ZG16: variants seen among roughly 807,000 people sequenced by gnomAD.
ZG16 encodes zymogen granule protein 16, also known as zymogen granule membrane protein 16.
In ZG16, 9 loss-of-function variants were observed where a neutral mutation model predicts 15.6. The ratio of observed to expected loss-of-function variants is 0.58; its 90% confidence interval spans 0.35 to 1.00. The LOEUF is 1.00. ZG16 is among the 50% of genes least tolerant of loss of function. ZG16 has a pLI of 0.02. For synonymous variants in ZG16, 89 were observed against 87.4 expected (o/e 1.02, Z -0.10); for missense variants, 174 against 214.8 (o/e 0.81, Z 1.19).
intron 1 of ZG16, among the ~76,000 whole-genome samples, chr16:29,778,562 T>C (rs1898583095): frequency 6.6e-6 from 1 of 151,940 alleles, no homozygotes; most frequent in African/African-American, 2.4e-5. Flanking sequence ...GCACCTGGGG[T>C]CTAATATCTT....
chr16:29,782,801 T>A lies in ZG16; in HGVS notation c.*2382T>A, dbSNP rs1898637692. On this transcript the variant is annotated 3_prime_UTR_variant, in exon 4 of 4. Transcript: ENST00000400752. ...AGGGACCCCGAACGGAGGGACTGGC[T>A]GGAGCCACAGCTGAGGAACATAAAT... 6.5e-6 allele frequency: 1 copy of A among 152,890 alleles called. No individual in the cohort carries two copies. Among genetic ancestry groups the A allele is most frequent in the African/African-American group, 2.4e-5 (1 of 41,446 alleles). 9.5% of individuals were successfully genotyped at this position (152,890 alleles called of 1,614,324 possible). A position where few individuals can be genotyped will look rare whatever the true frequency, so the allele number is the denominator to read the frequency against.
intron 1 of ZG16, 85 bp from the exon 2 acceptor site, chr16:29,779,175 T>G: frequency 4.3e-5 from 58 of 1,352,650 alleles, no homozygotes; most frequent in Non-Finnish European, 5.1e-5. Flanking sequence ...AGGCTTGGTC[T>G]GAGCTGCAGG....
At position 29,780,679 on chromosome 16, in the gene ZG16, G is replaced by C; in HGVS notation, c.*260G>C. 2.3e-6 allele frequency: 1 copy of C among 431,420 alleles called. No individual in the cohort carries two copies. The highest frequency in any genetic ancestry group is 4.1e-6 in the Non-Finnish European group (1 of 240,996). The allele number at this position is 431,420 out of a possible 1,614,324, so 26.7% of individuals were successfully genotyped here. ...GGCTTTGTGCTATAATTTATCAAGA[G>C]GAGATGAGATTCTGGCTTGCATCAA... is the stretch of plus-strand genomic sequence containing the variant. On this transcript the variant is annotated 3_prime_UTR_variant, in exon 4 of 4. Coordinates refer to ENST00000400752, the MANE Select transcript of ZG16 (RefSeq NM_152338.4).
At chr16:29,778,972 T>C (rs927442894) in intron 1 of ZG16, among the ~76,000 whole-genome samples, 5 of 152,174 alleles carry the variant, frequency 3.3e-5, no homozygotes, top group African/African-American at 9.7e-5. Flanking sequence ...GGAATAAGGC[T>C]TAATCCAGAT....
chr16:29,779,661 T>C (rs1245634808), intron 3 of ZG16, 24 bp downstream of exon 3: 2 of 1,536,272 alleles, frequency 1.3e-6, no homozygotes, highest in African/African-American at 2.7e-5. Flanking sequence ...AATTCCTGGC[T>C]GGGCGCGGTG....
chr16:29,781,223 G>C lies in ZG16; in HGVS notation c.*804G>C, dbSNP rs235640. 0.9 allele frequency: 137,726 copies of C among 152,300 alleles called. 63,792 individuals are homozygous for C. The highest frequency in any genetic ancestry group is 1 in the Non-Finnish European group (68,010 of 68,082). 9.4% of individuals were successfully genotyped at this position (152,300 alleles called of 1,614,324 possible). On this transcript the variant is annotated 3_prime_UTR_variant, in exon 4 of 4. Coordinates refer to ENST00000400752, the MANE Select transcript of ZG16 (RefSeq NM_152338.4). The stretch of plus-strand genomic sequence containing the variant: ...ATCGAGTGTTTCAAGAAGTTTGGCT[G>C]TGGTTTGCCAGAAATAGGCAAGTCA...
Position 29,779,328 on chromosome 16 carries a change from G to C in ZG16, c.55+7G>C. On this transcript the variant is annotated splice_region_variant and intron_variant, in intron 2 of 3. Coordinates refer to ENST00000400752, the MANE Select transcript of ZG16 (RefSeq NM_152338.4). ...TCAGCCTCTGGCAATGCCAGTAAGT[G>C]AGATACCAGGAGCCTGGTATTGGGG... 6.5e-7 allele frequency: 1 copy of C among 1,537,558 alleles called. No individual in the cohort carries two copies. Among genetic ancestry groups the C allele is most frequent in the Non-Finnish European group, 8.7e-7 (1 of 1,146,912 alleles).
intron 3 of ZG16, 46 bp from the exon 4 acceptor site, chr16:29,780,058 C>G (rs1456038998): frequency 6.8e-7 from 1 of 1,477,020 alleles, no homozygotes; most frequent in East Asian, 2.5e-5. Flanking sequence ...ACCTCTCATC[C>G]CTATCATCAC....
Position 29,780,754 on chromosome 16 carries a change from G to T in ZG16, c.*335G>T. ...AACATTGATCCAAACTGGAGTCATG[G>T]GTCTGAGGGCAAGGCCTAGTTGTGG... On this transcript the variant is annotated 3_prime_UTR_variant, in exon 4 of 4. Coordinates refer to ENST00000400752, the MANE Select transcript of ZG16 (RefSeq NM_152338.4). 4.2e-6 allele frequency: 1 copy of T among 240,422 alleles called. No individual in the cohort carries two copies. Among genetic ancestry groups the T allele is most frequent in the East Asian group, 1.0e-4 (1 of 9,788 alleles). The allele number at this position is 240,422 out of a possible 1,614,324, so 14.9% of individuals were successfully genotyped here.
Position 29,781,949 on chromosome 16 carries a change from T to A in ZG16, c.*1530T>A, listed in dbSNP as rs1188722444. On this transcript the variant is annotated 3_prime_UTR_variant, in exon 4 of 4. Transcript: ENST00000400752. ...AGGCAGTCTGTGGACCAAGTTCAGG[T>A]GAAAGGATCACCCATCATGTTGGGC... The A allele has an allele frequency of 1.3e-5, 2 of 152,032 alleles. No individual in the cohort carries two copies. The highest frequency in any genetic ancestry group is 4.8e-5 in the African/African-American group (2 of 41,370). 9.4% of individuals were successfully genotyped at this position (152,032 alleles called of 1,614,324 possible). A position where few individuals can be genotyped will look rare whatever the true frequency, so the allele number is the denominator to read the frequency against.
At position 29,780,516 on chromosome 16, in the gene ZG16, G is replaced by T; in HGVS notation, c.*97G>T. ...GCTCAATAAAAAAAATATGGTTAAG[G>T]CTAGTCTGTGTGGGGGCATCTGTGG... On this transcript the variant is annotated 3_prime_UTR_variant, in exon 4 of 4. Coordinates refer to ENST00000400752, the MANE Select transcript of ZG16 (RefSeq NM_152338.4). The T allele has an allele frequency of 8.6e-7, 1 of 1,166,826 alleles. No individual in the cohort carries two copies. The highest frequency in any genetic ancestry group is 1.6e-5 in the South Asian group (1 of 61,656). The allele number at this position is 1,166,826 out of a possible 1,614,324, so 72.3% of individuals were successfully genotyped here.
intron 3 of ZG16, 63 bp from the exon 4 acceptor site, chr16:29,780,041 G>T: frequency 7.1e-7 from 1 of 1,412,552 alleles, no homozygotes; most frequent in Non-Finnish European, 9.5e-7. Flanking sequence ...TGTAGGACTA[G>T]CCAGAGACCT....
rs367813755 is a variant in ZG16 at position 29,780,146 on chromosome 16, T to C, written c.231T>C (p.Gly77=). ...RYGKVWSDYV[G]GRNGDLEEIF... ...GCAAGGTGTGGAGCGACTATGTGGGTGGTCGCAACGGAGACCTGGAGGAGA... is the reference window on the plus strand; with the variant it reads ...GCAAGGTGTGGAGCGACTATGTGGGCGGTCGCAACGGAGACCTGGAGGAGA... Residue 77 remains glycine, a synonymous_variant, in exon 4 of 4, where the codon GGT becomes GGC. Transcript: ENST00000400752. The C allele has an allele frequency of 1.8e-4, 270 of 1,536,960 alleles. No individual in the cohort carries two copies. The highest frequency in any genetic ancestry group is 2.3e-4 in the Non-Finnish European group (267 of 1,146,864).
intron 3 of ZG16, 64 bp from the exon 4 acceptor site, chr16:29,780,040 A>G: frequency 7.1e-7 from 1 of 1,403,504 alleles, no homozygotes. Flanking sequence ...CTGTAGGACT[A>G]GCCAGAGACC....
Sources: gnomAD v4.1 joint callset for allele counts (sites outside exome capture counted in the v4.1 genomes callset) on GRCh38, gnomAD v4.1.1 for gene constraint, MANE v1.5 for transcripts, NCBI Gene and HGNC (gene_info 2026-07-23, HGNC 2026-07-21) for gene names.